Variants in COL26A1 observed in about 807,000 individuals in gnomAD.
The protein encoded by COL26A1 is collagen alpha-1(XXVI) chain.
In COL26A1, 41 loss-of-function variants were observed where a neutral mutation model predicts 59.3. The observed-to-expected ratio is 0.69, with a 90% CI of 0.54 to 0.90. The LOEUF (loss-of-function observed/expected upper bound fraction) is 0.90, where lower values mean the gene tolerates loss of function less well. Ranked by LOEUF, COL26A1 falls within the 40% of genes least tolerant of loss-of-function variation. COL26A1 has a pLI of 0.00. For missense variants in COL26A1, 612 were observed against 602.3 expected, an observed-to-expected ratio of 1.02 and a Z score of -0.17; for synonymous variants, 266 against 256.0, an observed-to-expected ratio of 1.04 and a Z score of -0.37.
rs761047210 is a variant in COL26A1, at chr7:101,558,493, T to G, written c.*963T>G. ...CGAGTTTGTCTCTCAGTGGACTCTA[T>G]AGGTTTGCTACTTTTGCATGACACA... On this transcript the variant is annotated 3_prime_UTR_variant, in exon 13 of 13. Coordinates refer to ENST00000313669, the MANE Select transcript of COL26A1 (RefSeq NM_001278563.3). The G allele has an allele frequency of 6.6e-6, 1 of 152,208 alleles. No individual in the cohort carries two copies. The highest frequency in any genetic ancestry group is 1.5e-5 in the Non-Finnish European group (1 of 68,046). 9.4% of individuals were successfully genotyped at this position (152,208 alleles called of 1,614,324 possible). A position where few individuals can be genotyped will look rare whatever the true frequency, so the allele number is the denominator to read the frequency against.
chr7:101,403,031 A>G lies in COL26A1; in HGVS notation c.159-16946A>G, dbSNP rs1792051708. ...GCTAATTTTTAAATTTTTAGTAGAG[A>G]TGGGGTCTCGCTGTATTGCCCAGGC... On this transcript the variant is annotated intron_variant, in intron 1 of 12. Coordinates refer to ENST00000313669, the MANE Select transcript of COL26A1 (RefSeq NM_001278563.3). Among the ~76,000 whole-genome samples, 3 of 151,874 alleles carry G rather than the reference A, an allele frequency of 2.0e-5. No homozygotes were observed. The South Asian group carries it at 6.2e-4, about 32-fold the overall frequency.
intron 3 of COL26A1, among the ~76,000 whole-genome samples, chr7:101,471,934 C>G (rs1793915980): frequency 6.7e-6 from 1 of 148,952 alleles, no homozygotes. Context: ...TTGTGACAGG[C>G]AATTAGTATT....
chr7:101,488,428 T>C (rs1405906935), intron 3 of COL26A1, among the ~76,000 whole-genome samples: 2 of 143,360 alleles, frequency 1.4e-5, no homozygotes, highest in East Asian at 4.2e-4. Context: ...CAGGCTGGAG[T>C]GCAGTGGCGC....
intron 3 of COL26A1, among the ~76,000 whole-genome samples, chr7:101,483,990 A>AGTGTGTGTGTGTGTGTGTGTGTGT (rs55863250): frequency 9.4e-5 from 12 of 128,004 alleles, no homozygotes; most frequent in African/African-American, 3.0e-4. Context: ...AACTTTTTAA[A>AGTGTGTGTGTGTGTGTGTGTGTGT]GTGTGTGTGT....
At chr7:101,505,065 G>A (rs1474002733) in intron 3 of COL26A1, among the ~76,000 whole-genome samples, 1 of 152,176 alleles carries the variant, frequency 6.6e-6, no homozygotes, top group Non-Finnish European at 1.5e-5. Context: ...TGAGGGAGGA[G>A]GATGGCTTGA....
rs1367001007 is a variant in COL26A1 at position 101,489,884 on chromosome 7, T to C, written c.385+42097T>C. Among the ~76,000 whole-genome samples the C allele has an allele frequency of 6.1e-5, 5 of 81,644 alleles. 1 individual carries two copies. Among genetic ancestry groups the C allele is most frequent in the East Asian group, 5.5e-4 (2 of 3,664 alleles). The allele number at this position is 81,644 out of a possible 152,430, so 53.6% of individuals were successfully genotyped here. A position where few individuals can be genotyped will look rare whatever the true frequency, so the allele number is the denominator to read the frequency against. On this transcript the variant is annotated intron_variant, in intron 3 of 12. Transcript: ENST00000313669. ...TTTCTTTCTTTCTTTCTTTCTTTCT[T>C]TCTTTCTTTCTTTCTTTCTTTCTTT...
intron 1 of COL26A1, among the ~76,000 whole-genome samples, chr7:101,390,799 T>C (rs1157071394): frequency 1.3e-5 from 2 of 152,136 alleles, no homozygotes; most frequent in African/African-American, 4.8e-5. Flanking sequence ...TCTAAAAATT[T>C]CTTGGAAATA....
chr7:101,547,769 A>G (rs189656907), intron 8 of COL26A1, among the ~76,000 whole-genome samples: 1 of 152,196 alleles, frequency 6.6e-6, no homozygotes, highest in Admixed American at 6.5e-5. Flanking sequence ...TCATTTATTC[A>G]TTCATTCGTT....
chr7:101,477,220 C>G (rs1794068383), intron 3 of COL26A1, among the ~76,000 whole-genome samples: 1 of 152,104 alleles, frequency 6.6e-6, no homozygotes, highest in African/African-American at 2.4e-5. Context: ...GGAATCTCCT[C>G]TTTTCAGGGA....
chr7:101,428,472 G>A (rs548432822), intron 2 of COL26A1, among the ~76,000 whole-genome samples: 1 of 152,098 alleles, frequency 6.6e-6, no homozygotes, highest in South Asian at 2.1e-4. Flanking sequence ...GGAAGATAAG[G>A]GTTTTTAAAG....
chr7:101,484,453 C>T (rs1794225332), intron 3 of COL26A1, among the ~76,000 whole-genome samples: 2 of 152,138 alleles, frequency 1.3e-5, no homozygotes, highest in South Asian at 4.1e-4. Flanking sequence ...TCACTGCAAC[C>T]TCTGCCTCCC....
chr7:101,498,688 T>C (rs1023924735), intron 3 of COL26A1, among the ~76,000 whole-genome samples: 3 of 152,154 alleles, frequency 2.0e-5, no homozygotes, highest in East Asian at 3.9e-4. Context: ...TGCTTTTCAT[T>C]TGGAGAAGGT....
chr7:101,533,566 A>G (rs1343008197), intron 4 of COL26A1, among the ~76,000 whole-genome samples: 1 of 152,184 alleles, frequency 6.6e-6, no homozygotes, highest in Non-Finnish European at 1.5e-5. Flanking sequence ...GGCCCAGTCT[A>G]TAAGAACAGG....
At chr7:101,406,400 G>A (rs928036951) in intron 1 of COL26A1, among the ~76,000 whole-genome samples, 2 of 152,160 alleles carry the variant, frequency 1.3e-5, no homozygotes, top group South Asian at 2.1e-4. Flanking sequence ...GTGTTGAGGC[G>A]GATGAGTGAT....
intron 1 of COL26A1, among the ~76,000 whole-genome samples, chr7:101,407,506 A>G (rs951162777): frequency 2.0e-5 from 3 of 150,728 alleles, no homozygotes; most frequent in Non-Finnish European, 4.4e-5. Context: ...TCCCAGCTCA[A>G]TCACCTTCTG....
intron 3 of COL26A1, among the ~76,000 whole-genome samples, chr7:101,506,984 G>A (rs1292417092): frequency 2.0e-5 from 3 of 151,420 alleles, no homozygotes; most frequent in African/African-American, 4.9e-5. Flanking sequence ...ATGTGATCTC[G>A]GCTCACCGCA....
chr7:101,509,328 C>T (rs1377583050), intron 3 of COL26A1, among the ~76,000 whole-genome samples: 3 of 151,714 alleles, frequency 2.0e-5, no homozygotes, highest in Non-Finnish European at 2.9e-5. Flanking sequence ...CGCCTGTAAT[C>T]CCAGCTGCTC....
intron 4 of COL26A1, among the ~76,000 whole-genome samples, chr7:101,535,936 G>A (rs1470625805): frequency 6.6e-6 from 1 of 152,150 alleles, no homozygotes; most frequent in Non-Finnish European, 1.5e-5. Context: ...GGGGCTGGGA[G>A]ACTCCTATCT....
At position 101,364,572 on chromosome 7, in the gene COL26A1, C is replaced by CT. The variant is rs10596691; in HGVS notation, c.158+1398dup. ...AGGACTGACCTCTTGTGCTTTCTTT[C>CT]TTTTTTTTTTTTTTTTAATATAGGG... On this transcript the variant is annotated intron_variant, in intron 1 of 12. Coordinates refer to ENST00000313669, the MANE Select transcript of COL26A1 (RefSeq NM_001278563.3). Among the ~76,000 whole-genome samples, 847 of 146,282 alleles carry CT rather than the reference C, an allele frequency of 5.8e-3. 5 individuals carry two copies. The highest frequency in any genetic ancestry group is 0.016 in the African/African-American group (662 of 40,512).
Sources: gnomAD v4.1 joint callset for allele counts (sites outside exome capture counted in the v4.1 genomes callset) on GRCh38, gnomAD v4.1.1 for gene constraint, MANE v1.5 for transcripts, NCBI Gene and HGNC (gene_info 2026-07-23, HGNC 2026-07-21) for gene names.